The following MAGI3 variants were observed in gnomAD, a reference collection of about 807,000 sequenced individuals.
The protein encoded by MAGI3 is membrane associated guanylate kinase, WW and PDZ domain containing 3.
MAGI3 carries 43 observed loss-of-function variants against 121.8 expected under a neutral mutation model. The observed-to-expected ratio is 0.35, with a 90% CI of 0.28 to 0.46. The LOEUF is 0.46. Ranked by LOEUF, MAGI3 falls within the 20% of genes least tolerant of loss-of-function variation. The pLI is 1.00. For missense variants in MAGI3, 1,547 were observed against 1,797.3 expected, an observed-to-expected ratio of 0.86 and a Z score of 2.52; for synonymous variants, 553 against 639.3, an observed-to-expected ratio of 0.86 and a Z score of 2.04.
At chr1:113,429,072 G>T (rs1224996717) in intron 1 of MAGI3, among the ~76,000 whole-genome samples, 1 of 152,058 alleles carries the variant, frequency 6.6e-6, no homozygotes, top group African/African-American at 2.4e-5. Context: ...TGTAATTACT[G>T]TCACTTTATC....
chr1:113,576,625 A>G (rs1647662737), intron 2 of MAGI3: 2 of 152,214 alleles, frequency 1.3e-5, no homozygotes, highest in South Asian at 2.1e-4. Flanking sequence ...AGCTCCCACA[A>G]ATCAATTTTA....
chr1:113,492,651 C>A (rs1172790978), intron 1 of MAGI3, among the ~76,000 whole-genome samples: 2 of 152,102 alleles, frequency 1.3e-5, no homozygotes, highest in Non-Finnish European at 2.9e-5. Context: ...GAAAACACCC[C>A]AGTCCCAGCC....
intron 2 of MAGI3, among the ~76,000 whole-genome samples, chr1:113,558,747 C>T (rs1248597146): frequency 2.0e-5 from 3 of 152,038 alleles, no homozygotes; most frequent in Non-Finnish European, 4.4e-5. Context: ...AAAATCATCC[C>T]CAAGACAATT....
At chr1:113,659,370 A>ATATCCCCGC in intron 16 of MAGI3, 105 bp downstream of exon 16, 1 of 1,048,238 alleles carries the variant, frequency 9.5e-7, no homozygotes, top group South Asian at 1.5e-5. Context: ...GCGGGGATAT[A>ATATCCCCGC]ACTGTGTATG....
intron 2 of MAGI3, among the ~76,000 whole-genome samples, chr1:113,559,420 G>A (rs1471922800): frequency 6.6e-6 from 1 of 151,890 alleles, no homozygotes; most frequent in Non-Finnish European, 1.5e-5. Context: ...TCAACCAACA[G>A]ACTTTAAAAT....
intron 1 of MAGI3, among the ~76,000 whole-genome samples, chr1:113,526,586 C>T (rs1658465231): frequency 6.6e-6 from 1 of 152,084 alleles, no homozygotes; most frequent in African/African-American, 2.4e-5. Context: ...GTCTTATAAA[C>T]CACATTAAGG....
In MAGI3 at chr1:113,683,207, T is replaced by C. The variant is rs1648324155; in HGVS notation, c.3639T>C (p.Asn1213=). Residue 1213 remains asparagine (N), a synonymous_variant, in exon 21 of 21, where the codon AAT becomes AAC. Transcript: ENST00000307546. ...AGAAAAATCTATTAAAAGTAGAAAA[T>C]GGTGTTACACGAAGAGGTAGATCGG... The part of the protein sequence containing the change: ...SNKKNLLKVE[N]GVTRRGRSVS... 1.2e-6 allele frequency: 2 copies of C among 1,613,744 alleles called. No individual in the cohort carries two copies. Among genetic ancestry groups the C allele is most frequent in the Non-Finnish European group, 1.7e-6 (2 of 1,179,846 alleles).
At chr1:113,444,093 T>G (rs1043676986) in intron 1 of MAGI3, among the ~76,000 whole-genome samples, 1 of 152,222 alleles carries the variant, frequency 6.6e-6, no homozygotes, top group South Asian at 2.1e-4. Flanking sequence ...ATTGTGGTTA[T>G]TTTTGGTCAG....
intron 1 of MAGI3, among the ~76,000 whole-genome samples, chr1:113,439,002 C>A (rs1653781407): frequency 1.3e-5 from 2 of 152,150 alleles, no homozygotes; most frequent in South Asian, 4.1e-4. Flanking sequence ...TTTGGCATAT[C>A]CAAATTGCCA....
Position 113,645,827 on chromosome 1 carries a change from A to G in MAGI3, c.1999-659A>G, listed in dbSNP as rs1027656475. ...CCATTTATTGGATTTCATTGTTAACATTTTATTAAATAAGTCATTTTGCTT... is the reference window on the plus strand; with the variant it reads ...CCATTTATTGGATTTCATTGTTAACGTTTTATTAAATAAGTCATTTTGCTT... On this transcript the variant is annotated intron_variant, in intron 11 of 20. Coordinates refer to ENST00000307546, the MANE Select transcript of MAGI3 (RefSeq NM_001142782.2). Among the ~76,000 whole-genome samples the G allele has an allele frequency of 8.5e-5, 13 of 152,162 alleles. 1 individual carries two copies. Among genetic ancestry groups the G allele is most frequent in the African/African-American group, 3.1e-4 (13 of 41,442 alleles).
chr1:113,465,572 A>T (rs1042382813), intron 1 of MAGI3, among the ~76,000 whole-genome samples: 2 of 152,090 alleles, frequency 1.3e-5, no homozygotes, highest in African/African-American at 4.8e-5. Context: ...AATAGCATTG[A>T]ATCTATAGAT....
chr1:113,656,293 G>A (rs2100992273), intron 15 of MAGI3, among the ~76,000 whole-genome samples: 1 of 152,300 alleles, frequency 6.6e-6, no homozygotes, highest in East Asian at 1.9e-4. Flanking sequence ...CCAATGAGGA[G>A]TTTTCACTTA....
intron 6 of MAGI3, among the ~76,000 whole-genome samples, chr1:113,608,803 TAATGCTCTTTACATTA>T (rs1649946904): frequency 6.6e-6 from 1 of 152,208 alleles, no homozygotes; most frequent in South Asian, 2.1e-4. Flanking sequence ...CATTTCCCCC[TAATGCTCTTTACATTA>T]AGGCTGAACA....
At chr1:113,466,413 T>A (rs933980223) in intron 1 of MAGI3, among the ~76,000 whole-genome samples, 2 of 152,198 alleles carry the variant, frequency 1.3e-5, no homozygotes, top group African/African-American at 4.8e-5. Flanking sequence ...GATTTTTGCA[T>A]CTATGTTCAT....
At chr1:113,550,548 G>A (rs978652694) in intron 2 of MAGI3, among the ~76,000 whole-genome samples, 10 of 151,650 alleles carry the variant, frequency 6.6e-5, no homozygotes, top group Non-Finnish European at 1.3e-4. Context: ...CTGAGGTCAG[G>A]AGTTTGAGAC....
intron 2 of MAGI3, among the ~76,000 whole-genome samples, chr1:113,569,640 A>G (rs1413278621): frequency 6.6e-6 from 1 of 152,142 alleles, no homozygotes; most frequent in East Asian, 1.9e-4. Context: ...CCCATTTGCA[A>G]TACATATGTC....
chr1:113,593,486 T>A (rs1227610066), intron 5 of MAGI3, among the ~76,000 whole-genome samples: 1 of 151,982 alleles, frequency 6.6e-6, no homozygotes, highest in Non-Finnish European at 1.5e-5. Context: ...AAGGCTGCCG[T>A]GAGCTGTGAT....
chr1:113,483,968 C>T (rs900624494), intron 1 of MAGI3, among the ~76,000 whole-genome samples: 16 of 151,948 alleles, frequency 1.1e-4, no homozygotes, highest in African/African-American at 3.9e-4. Flanking sequence ...GATATTTTAC[C>T]TCCAAATATT....
At chr1:113,519,096 C>T (rs996962438) in intron 1 of MAGI3, among the ~76,000 whole-genome samples, 3 of 151,962 alleles carry the variant, frequency 2.0e-5, no homozygotes, top group African/African-American at 7.3e-5. Flanking sequence ...AAACCAAAGC[C>T]TCAAGAATTT....
Sources: gnomAD v4.1 joint callset for allele counts (sites outside exome capture counted in the v4.1 genomes callset) on GRCh38, gnomAD v4.1.1 for gene constraint, MANE v1.5 for transcripts, NCBI Gene and HGNC (gene_info 2026-07-23, HGNC 2026-07-21) for gene names.